Variants in MROH2B observed in about 807,000 individuals in gnomAD.
MROH2B encodes the protein maestro heat like repeat family member 2B, also known as maestro heat-like repeat-containing protein family member 2B.
A neutral mutation model predicts 208.6 loss-of-function variants in MROH2B; 177 were observed. The observed-to-expected ratio is 0.85, with a 90% CI of 0.75 to 0.96. The LOEUF (loss-of-function observed/expected upper bound fraction) is 0.96, where lower values mean the gene tolerates loss of function less well. Ranked by LOEUF, MROH2B falls within the 40% of genes least tolerant of loss-of-function variation. The pLI is 0.00. For synonymous variants in MROH2B, 728 were observed against 659.0 expected, an observed-to-expected ratio of 1.10 and a Z score of -1.60; for missense variants, 2,002 against 1,878.7, an observed-to-expected ratio of 1.07 and a Z score of -1.21.
rs202160588 is a variant in MROH2B at position 41,032,796 on chromosome 5, T to C, written c.2387A>G (p.Asp796Gly). Reference protein sequence around the residue: ...MLDFIRDEPLDSLASPIRWKA... With the variant: ...MLDFIRDEPLGSLASPIRWKA... ...CCACCGAATAGGGCTAGCTAAGGAA[T>C]CCAGGGGCTCGTCTCTAATGAAGTC... The change falls in exon 24 of 42, where the codon GAT (aspartate) becomes GGT (glycine). Residue 796 changes from aspartate to glycine, a missense_variant. Physicochemically the swap from Asp to Gly is moderately conservative, Grantham distance 94. Transcript: ENST00000399564. 125 of 1,612,350 alleles carry C rather than the reference T, an allele frequency of 7.8e-5. No homozygotes were observed. Among genetic ancestry groups the C allele is most frequent in the Non-Finnish European group, 1.0e-4 (123 of 1,179,140 alleles).
At chr5:41,069,821 C>A in intron 1 of MROH2B, 69 bp from the exon 2 acceptor site, 2 of 1,176,854 alleles carry the variant, frequency 1.7e-6, no homozygotes, top group East Asian at 2.5e-5. Flanking sequence ...ATTTTGTAAT[C>A]AACACAGAAA....
intron 19 of MROH2B, among the ~76,000 whole-genome samples, chr5:41,041,546 C>T (rs1406296656): frequency 2.0e-5 from 3 of 152,142 alleles, no homozygotes; most frequent in Admixed American, 6.5e-5. Flanking sequence ...ATCACTTGAA[C>T]CTGGGAGGCA....
In MROH2B at chr5:41,065,513, C is replaced by A. The variant is rs751843692; in HGVS notation, c.202-23G>T. ...CATCTGAGGAGGAAAAGAAAAATAA[C>A]AATAACAACTAGAAAAGGGGCAGAG... On this transcript the variant is annotated intron_variant, in intron 3 of 41. Transcript: ENST00000399564. 25 of 1,607,252 alleles carry A rather than the reference C, an allele frequency of 1.6e-5. No individual in the cohort carries two copies. The Admixed American group carries it at 4.0e-4, about 26-fold the overall frequency.
intron 3 of MROH2B, 116 bp from the exon 4 acceptor site, chr5:41,065,606 G>T (rs1279996267): frequency 1.2e-6 from 1 of 834,290 alleles, no homozygotes. Flanking sequence ...TAAAATTATA[G>T]ATTCAGGGGG....
In MROH2B at chr5:41,052,469, T is replaced by C. The variant is rs995976598; in HGVS notation, c.1226A>G (p.Asn409Ser). ...VFSQFATLNR[N>S]LEKPVKTNFH... ...AAAACTGTAGCCTCTGCATACCAGA[T>C]TCCTGTTCAACGTTGCAAACTGGGA... The change falls in exon 12 of 42, where the codon AAT becomes AGT. Residue 409 changes from asparagine to serine, a missense_variant. Asn to Ser is a conservative substitution (Grantham distance 46). Coordinates refer to ENST00000399564, the MANE Select transcript of MROH2B (RefSeq NM_173489.5). The C allele has an allele frequency of 6.2e-7, 1 of 1,612,322 alleles. No individual in the cohort carries two copies. Among genetic ancestry groups the C allele is most frequent in the Non-Finnish European group, 8.5e-7 (1 of 1,178,920 alleles).
At chr5:41,009,555 G>T in intron 31 of MROH2B, 149 bp from the exon 32 acceptor site, 1 of 1,121,084 alleles carries the variant, frequency 8.9e-7, no homozygotes, top group Non-Finnish European at 1.3e-6. Context: ...TAAGAAAGAT[G>T]TTTTACATAA....
intron 19 of MROH2B, 84 bp downstream of exon 19, chr5:41,042,008 T>C: frequency 1.5e-6 from 1 of 677,486 alleles, no homozygotes. Flanking sequence ...TAGAACATTA[T>C]TATAAAAGCT....
intron 10 of MROH2B, 80 bp downstream of exon 10, chr5:41,055,662 G>T: frequency 1.0e-6 from 1 of 996,292 alleles, no homozygotes; most frequent in Non-Finnish European, 1.6e-6. Flanking sequence ...AAAGACATAG[G>T]ATAGGATTAG....
intron 29 of MROH2B, among the ~76,000 whole-genome samples, chr5:41,013,988 T>G (rs375353831): frequency 2.0e-5 from 3 of 152,324 alleles, no homozygotes; most frequent in Non-Finnish European, 4.4e-5. Flanking sequence ...AGTCTCCACA[T>G]AGCTGCCAGA....
chr5:41,067,069 C>A, intron 3 of MROH2B, 39 bp downstream of exon 3: 3 of 1,228,180 alleles, frequency 2.4e-6, no homozygotes, highest in South Asian at 2.6e-5. Flanking sequence ...GCAGTTGGGT[C>A]ACATAAAGAC....
chr5:41,049,372 AG>A lies in MROH2B; in HGVS notation c.1408del (p.Leu470CysfsTer8). On this transcript the variant is annotated frameshift_variant, in exon 14 of 42. Transcript: ENST00000399564. LOFTEE classifies it high-confidence loss of function. ...PAEYTEALEP[L>X]FSIIRILIMA... ...AATCAGAATTCTGATGATACTAAAC[AG>A]GGGCTCCAGAGCTTCTGTGTATTCT... 6.2e-7 allele frequency: 1 copy of A among 1,613,776 alleles called. No individual in the cohort carries two copies.
chr5:41,006,043 A>AG (rs1741579129), intron 34 of MROH2B, among the ~76,000 whole-genome samples: 1 of 151,146 alleles, frequency 6.6e-6, no homozygotes. Context: ...AAAAAAAAAA[A>AG]AAAGAAAAAA....
intron 19 of MROH2B, among the ~76,000 whole-genome samples, 157 bp from the exon 20 acceptor site, chr5:41,039,712 C>G (rs1249872080): frequency 1.3e-5 from 2 of 152,012 alleles, no homozygotes; most frequent in African/African-American, 4.8e-5. Context: ...GGTATACAAC[C>G]AGGAGAACTG....
chr5:41,018,464 T>C (rs1742030323), intron 26 of MROH2B, 34 bp from the exon 27 acceptor site: 2 of 1,584,116 alleles, frequency 1.3e-6, no homozygotes, highest in Non-Finnish European at 1.7e-6. Context: ...CTTTCCTTAG[T>C]ATTCTTCATA....
chr5:41,057,304 G>C lies in MROH2B; in HGVS notation c.813C>G (p.Ser271Arg). Reference sequence around the variant, plus strand: ...AATTGATAAAGATGGATCTTCTCAAGCTCCTTGGAAGGCCAATGTCATAAA... The same window carrying C: ...AATTGATAAAGATGGATCTTCTCAACCTCCTTGGAAGGCCAATGTCATAAA... ...AVLYDIGLPR[S>R]LRRSIFINLL... The change falls in exon 8 of 42, where the codon AGC (serine) becomes AGG (arginine). Residue 271 changes from serine to arginine, a missense_variant. Ser to Arg is a moderately radical substitution (Grantham distance 110). Coordinates refer to ENST00000399564, the MANE Select transcript of MROH2B (RefSeq NM_173489.5). The C allele has an allele frequency of 3.8e-6, 6 of 1,595,770 alleles. No individual in the cohort carries two copies. Among genetic ancestry groups the C allele is most frequent in the Non-Finnish European group, 4.3e-6 (5 of 1,170,402 alleles).
At chr5:41,038,160 T>C (rs1016695186) in intron 21 of MROH2B, among the ~76,000 whole-genome samples, 2 of 152,192 alleles carry the variant, frequency 1.3e-5, no homozygotes, top group Non-Finnish European at 2.9e-5. Flanking sequence ...TATATGACAC[T>C]TACTATTTGT....
Position 41,017,836 on chromosome 5 carries a change from C to T in MROH2B, c.2884+14G>A. On this transcript the variant is annotated intron_variant, in intron 28 of 41. Coordinates refer to ENST00000399564, the MANE Select transcript of MROH2B (RefSeq NM_173489.5). The stretch of plus-strand genomic sequence containing the variant: ...TTCTTTTCTTCATTTGTGGGTTCCC[C>T]ATCTTTCCCTCACCTTTTATATAGA... 1 of 1,572,330 alleles carries T rather than the reference C, an allele frequency of 6.4e-7. No individual in the cohort carries two copies. The highest frequency in any genetic ancestry group is 8.6e-7 in the Non-Finnish European group (1 of 1,161,786).
At chr5:41,002,030 A>G (rs2111792300) in intron 37 of MROH2B, among the ~76,000 whole-genome samples, 1 of 152,336 alleles carries the variant, frequency 6.6e-6, no homozygotes, top group South Asian at 2.1e-4. Flanking sequence ...GTGACTTTGT[A>G]TAATGAAAAT....
intron 6 of MROH2B, among the ~76,000 whole-genome samples, chr5:41,059,038 A>C (rs1283692380): frequency 2.4e-5 from 3 of 126,712 alleles, no homozygotes; most frequent in Admixed American, 9.8e-5. Flanking sequence ...ACAGAGTGAG[A>C]CTCCATCTCA....
Sources: allele counts gnomAD v4.1 joint callset (sites outside exome capture counted in the v4.1 genomes callset), GRCh38; gene constraint gnomAD v4.1.1; transcripts MANE v1.5; gene names NCBI Gene and HGNC (gene_info 2026-07-23, HGNC 2026-07-21).